CSMD1: variants seen among roughly 807,000 people sequenced by gnomAD.
CSMD1 encodes CUB and sushi domain-containing protein 1.
In CSMD1, 213 loss-of-function variants were observed where a neutral mutation model predicts 417.5. The observed-to-expected ratio is 0.51, with a 90% CI of 0.46 to 0.57. The LOEUF is 0.57. Among genes scored for constraint, CSMD1 ranks in the 20% least tolerant of loss-of-function variants. The pLI is 0.00. For synonymous variants in CSMD1, 2,862 were observed against 1,736.8 expected (o/e 1.65, Z -16.11); for missense variants, 6,923 against 4,529.7 (o/e 1.53, Z -15.17).
At chr8:4,402,133 T>C (rs755880386) in intron 3 of CSMD1, among the ~76,000 whole-genome samples, 4 of 152,160 alleles carry the variant, frequency 2.6e-5, no homozygotes, top group Non-Finnish European at 5.9e-5. Flanking sequence ...CTTTCATTAA[T>C]TAGTCATATG....
intron 4 of CSMD1, among the ~76,000 whole-genome samples, chr8:4,030,363 T>A (rs35232591): frequency 0.12 from 18,288 of 152,244 alleles, 1,192 homozygotes; most frequent in East Asian, 0.22. Flanking sequence ...AGGCAAAGGT[T>A]CCCAAACCCA....
intron 5 of CSMD1, among the ~76,000 whole-genome samples, chr8:3,863,323 G>A (rs1205862343): frequency 3.3e-5 from 5 of 151,292 alleles, no homozygotes; most frequent in Non-Finnish European, 7.4e-5. Context: ...CTTGAACCCA[G>A]GAGATGGTGG....
intron 3 of CSMD1, among the ~76,000 whole-genome samples, chr8:4,052,753 T>C (rs568402650): frequency 2.6e-5 from 4 of 151,128 alleles, no homozygotes; most frequent in Non-Finnish European, 5.9e-5. Context: ...GAACAAGTTT[T>C]AAAAAAAAAT....
At chr8:4,415,488 T>C (rs935265925) in intron 3 of CSMD1, among the ~76,000 whole-genome samples, 12 of 152,148 alleles carry the variant, frequency 7.9e-5, no homozygotes, top group African/African-American at 2.7e-4. Context: ...GGCCTCTACA[T>C]GGCCCACGTA....
chr8:3,662,139 A>G (rs1160680310), intron 7 of CSMD1, among the ~76,000 whole-genome samples: 1 of 152,194 alleles, frequency 6.6e-6, no homozygotes, highest in Admixed American at 6.5e-5. Flanking sequence ...ATCTTCACAA[A>G]AGATTTAGGC....
At chr8:4,939,251 T>G (rs771239899) in intron 1 of CSMD1, among the ~76,000 whole-genome samples, 14 of 152,242 alleles carry the variant, frequency 9.2e-5, no homozygotes, top group Non-Finnish European at 1.8e-4. Flanking sequence ...TCGAGATTCC[T>G]CAAAAAACTA....
At chr8:3,383,833 G>A (rs1278965973) in intron 18 of CSMD1, among the ~76,000 whole-genome samples, 1 of 152,106 alleles carries the variant, frequency 6.6e-6, no homozygotes, top group East Asian at 1.9e-4. Context: ...TGAAATGTCA[G>A]CAAACAGTAG....
chr8:4,498,445 A>C, intron 2 of CSMD1, among the ~76,000 whole-genome samples: 1 of 152,156 alleles, frequency 6.6e-6, no homozygotes, highest in East Asian at 1.9e-4. Flanking sequence ...GCATTTACTT[A>C]ATTTTTAATT....
intron 1 of CSMD1, among the ~76,000 whole-genome samples, chr8:4,945,199 A>C (rs144312151): frequency 1.5e-4 from 23 of 152,310 alleles, no homozygotes; most frequent in Middle Eastern, 3.4e-3. Flanking sequence ...AGAGCAGTGA[A>C]ATCCTTAGAG....
Position 4,654,065 on chromosome 8 carries a change from C to T in CSMD1, c.86-16507G>A, listed in dbSNP as rs1162541128. On this transcript the variant is annotated intron_variant, in intron 1 of 69. Coordinates refer to ENST00000635120, the MANE Select transcript of CSMD1 (RefSeq NM_033225.6). ...GTTAAATAATAACTTCTCAAAGCCC[C>T]ATAATGCCTCAGCAACTTTTTTCTT... 2.6e-5 allele frequency among the ~76,000 whole-genome samples: 4 copies of T among 152,058 alleles called. No homozygotes were observed. The South Asian group carries it at 8.3e-4, about 32-fold the overall frequency.
chr8:4,184,984 C>G (rs940786528), intron 3 of CSMD1, among the ~76,000 whole-genome samples: 2 of 151,608 alleles, frequency 1.3e-5, no homozygotes, highest in African/African-American at 2.4e-5. Context: ...TTAAAAAATA[C>G]AAAAATTAGC....
At chr8:3,115,469 T>G (rs975166427) in intron 42 of CSMD1, among the ~76,000 whole-genome samples, 1 of 152,206 alleles carries the variant, frequency 6.6e-6, no homozygotes, top group Non-Finnish European at 1.5e-5. Flanking sequence ...CCCAAAGTGT[T>G]GGGATTACAG....
chr8:2,970,765 T>A (rs184455913), intron 57 of CSMD1, among the ~76,000 whole-genome samples: 195 of 152,278 alleles, frequency 1.3e-3, no homozygotes, highest in African/African-American at 4.3e-3. Flanking sequence ...AAGTCCCGAA[T>A]GATAAATGCT....
At chr8:3,670,260 A>T (rs1024667409) in intron 7 of CSMD1, among the ~76,000 whole-genome samples, 2 of 151,958 alleles carry the variant, frequency 1.3e-5, no homozygotes, top group African/African-American at 2.4e-5. Flanking sequence ...AAAAGGTCAG[A>T]CTGGCCTAGC....
chr8:4,833,340 A>T (rs917416803), intron 1 of CSMD1, among the ~76,000 whole-genome samples: 1 of 152,186 alleles, frequency 6.6e-6, no homozygotes, highest in South Asian at 2.1e-4. Flanking sequence ...GCAGAAGACA[A>T]TGGTGAAGGA....
rs148950568 is a variant in CSMD1 at position 4,847,689 on chromosome 8, G to C, written c.85+146643C>G. On this transcript the variant is annotated intron_variant, in intron 1 of 69. Coordinates refer to ENST00000635120, the MANE Select transcript of CSMD1 (RefSeq NM_033225.6). ...CTTAAGCTCTTCAATGACTATGATA[G>C]TTTCCTGACTTTTCTTGTTCTTCAC... Among the ~76,000 whole-genome samples the C allele has an allele frequency of 7.6e-3, 1,148 of 151,098 alleles. 11 individuals are homozygous for C. Among genetic ancestry groups the C allele is most frequent in the African/African-American group, 0.026 (1,057 of 41,104 alleles).
intron 1 of CSMD1, among the ~76,000 whole-genome samples, chr8:4,880,493 A>T (rs955776565): frequency 6.6e-6 from 1 of 152,026 alleles, no homozygotes; most frequent in South Asian, 2.1e-4. Flanking sequence ...TAGCCCATGA[A>T]TTCTGTCATA....
At chr8:3,531,747 TA>T (rs2117511798) in intron 10 of CSMD1, among the ~76,000 whole-genome samples, 1 of 152,310 alleles carries the variant, frequency 6.6e-6, no homozygotes, top group South Asian at 2.1e-4. Flanking sequence ...ACTTCTTTTC[TA>T]ACAAAGAGCA....
At chr8:3,758,622 G>A (rs1039243338) in intron 5 of CSMD1, among the ~76,000 whole-genome samples, 5 of 152,144 alleles carry the variant, frequency 3.3e-5, no homozygotes, top group African/African-American at 2.4e-5. Context: ...GTACAAATTA[G>A]GTGAAATTGT....
Sources: allele counts gnomAD v4.1 joint callset (sites outside exome capture counted in the v4.1 genomes callset), GRCh38; gene constraint gnomAD v4.1.1; transcripts MANE v1.5; gene names NCBI Gene and HGNC (gene_info 2026-07-23, HGNC 2026-07-21).